Variants in C1QTNF3 observed in about 807,000 individuals in gnomAD.
C1QTNF3 encodes C1q and TNF related 3, also known as complement C1q tumor necrosis factor-related protein 3.
C1QTNF3 carries 26 observed loss-of-function variants against 32.6 expected under a neutral mutation model. The observed-to-expected ratio is 0.80, with a 90% confidence interval of 0.58 to 1.11. The LOEUF (loss-of-function observed/expected upper bound fraction) is 1.11. Among genes scored for constraint, C1QTNF3 ranks in the 50% least tolerant of loss-of-function variants. C1QTNF3 has a pLI of 0.00. For synonymous variants in C1QTNF3, 155 were observed against 146.0 expected, an observed-to-expected ratio of 1.06 and a Z score of -0.44; for missense variants, 362 against 398.2, an observed-to-expected ratio of 0.91 and a Z score of 0.77.
At chr5:34,132,423 G>A in the C1QTNF3 span, among the ~76,000 whole-genome samples, 8 of 39,262 alleles carry the variant, frequency 2.0e-4, no homozygotes, top group Non-Finnish European at 3.5e-4. Flanking sequence ...ATATATGTAT[G>A]TGTATGTGTA....
the C1QTNF3 span, among the ~76,000 whole-genome samples, chr5:34,094,374 T>C: frequency 9.2e-5 from 14 of 152,098 alleles, no homozygotes; most frequent in African/African-American, 3.1e-4. Flanking sequence ...GGGATCCTTT[T>C]GTGTTTTGTG....
chr5:34,230,226 G>C, the C1QTNF3 span, among the ~76,000 whole-genome samples: 3 of 152,152 alleles, frequency 2.0e-5, no homozygotes, highest in Admixed American at 2.0e-4. Context: ...GGAAAGGCCG[G>C]GTCATGGATT....
At chr5:34,139,322 A>G in the C1QTNF3 span, among the ~76,000 whole-genome samples, 1 of 152,070 alleles carries the variant, frequency 6.6e-6, no homozygotes, top group Non-Finnish European at 1.5e-5. Flanking sequence ...TTAAAAAATA[A>G]TTAAAAGTAA....
the C1QTNF3 span, among the ~76,000 whole-genome samples, chr5:34,130,132 TAC>T: frequency 1.4e-4 from 21 of 149,538 alleles, no homozygotes; most frequent in East Asian, 5.8e-4. Flanking sequence ...TTTATATATA[TAC>T]ACACACACAC....
the C1QTNF3 span, among the ~76,000 whole-genome samples, chr5:34,213,802 TATA>T: frequency 8.8e-4 from 5 of 5,684 alleles, no homozygotes; most frequent in Non-Finnish European, 1.2e-3. Context: ...TATATATATA[TATA>T]TATATTTTTT....
the C1QTNF3 span, among the ~76,000 whole-genome samples, chr5:34,180,271 GA>G: frequency 6.6e-6 from 1 of 152,312 alleles, no homozygotes; most frequent in African/African-American, 2.4e-5. Context: ...TTGTACCCAG[GA>G]GGTAGAGGAT....
At chr5:34,174,396 C>T in the C1QTNF3 span, among the ~76,000 whole-genome samples, 4 of 152,164 alleles carry the variant, frequency 2.6e-5, no homozygotes, top group Admixed American at 1.3e-4. Context: ...TGCACCTCTC[C>T]ACAAAACTGC....
At chr5:34,123,140 G>T in the C1QTNF3 span, among the ~76,000 whole-genome samples, 2 of 152,156 alleles carry the variant, frequency 1.3e-5, no homozygotes, top group African/African-American at 4.8e-5. Flanking sequence ...GAACCCACAG[G>T]GATGGGCCCA....
chr5:34,021,863 ATG>A (rs1174664518), intron 5 of C1QTNF3, among the ~76,000 whole-genome samples: 1 of 152,238 alleles, frequency 6.6e-6, no homozygotes, highest in Non-Finnish European at 1.5e-5. Context: ...GCAAACCACC[ATG>A]GCACATGTAT....
the C1QTNF3 span, among the ~76,000 whole-genome samples, chr5:34,104,914 T>A: frequency 6.6e-6 from 1 of 152,038 alleles, no homozygotes; most frequent in Non-Finnish European, 1.5e-5. Flanking sequence ...TATATTCCTA[T>A]AGGCTTCTGT....
chr5:34,088,554 TTGGACCAATGTGAAAA>T, the C1QTNF3 span, among the ~76,000 whole-genome samples: 1 of 152,196 alleles, frequency 6.6e-6, no homozygotes, highest in Non-Finnish European at 1.5e-5. Flanking sequence ...ACATATATAA[TTGGACCAATGTGAAAA>T]TTAAAATGGT....
At chr5:34,124,425 T>G in the C1QTNF3 span, 3 of 716,460 alleles carry the variant, frequency 4.2e-6, no homozygotes, top group Non-Finnish European at 7.8e-6. Context: ...TACCTGCTTC[T>G]GGAGAGGCCT....
At chr5:34,044,615 G>C (rs1411998077), upstream of C1QTNF3, among the ~76,000 whole-genome samples, 1 of 152,166 alleles carries the variant, frequency 6.6e-6, no homozygotes, top group Non-Finnish European at 1.5e-5. Context: ...GCAGCTACCA[G>C]AACAGCCGCT....
chr5:34,176,255 C>T, the C1QTNF3 span, among the ~76,000 whole-genome samples: 3 of 61,498 alleles, frequency 4.9e-5, no homozygotes, highest in African/African-American at 7.1e-5. Flanking sequence ...GACTGTTGTG[C>T]GGTGGGGGGA....
intron 3 of C1QTNF3, chr5:34,033,082 A>G (rs1295447247): frequency 4.2e-6 from 2 of 479,824 alleles, no homozygotes; most frequent in African/African-American, 2.0e-5. Context: ...CTTAGATTTC[A>G]CCCTTCATAA....
chr5:34,203,042 T>C, the C1QTNF3 span, among the ~76,000 whole-genome samples: 2 of 152,316 alleles, frequency 1.3e-5, no homozygotes, highest in South Asian at 2.1e-4. Context: ...ACTGAGGGAA[T>C]TCGTCACCAC....
the C1QTNF3 span, among the ~76,000 whole-genome samples, chr5:34,223,895 G>GA: frequency 6.6e-6 from 1 of 152,098 alleles, no homozygotes; most frequent in Admixed American, 6.6e-5. Context: ...TGTATATCTA[G>GA]AAAACCCCAT....
chr5:34,072,376 A>G, the C1QTNF3 span, among the ~76,000 whole-genome samples: 3,413 of 107,092 alleles, frequency 0.032, no homozygotes, highest in Non-Finnish European at 0.045. Flanking sequence ...AGAAAGAGAA[A>G]GAAAGAAAGA....
the C1QTNF3 span, among the ~76,000 whole-genome samples, chr5:34,154,913 A>G: frequency 6.6e-6 from 1 of 152,176 alleles, no homozygotes; most frequent in African/African-American, 2.4e-5. Flanking sequence ...ACAGTTGAGA[A>G]CCACTGGTGT....
Sources: allele counts gnomAD v4.1 joint callset (sites outside exome capture counted in the v4.1 genomes callset), GRCh38; gene constraint gnomAD v4.1.1; transcripts MANE v1.5; gene names NCBI Gene and HGNC (gene_info 2026-07-23, HGNC 2026-07-21).